Variants in PPFIBP1 observed in about 807,000 individuals in gnomAD.
PPFIBP1 encodes liprin-beta-1.
A neutral mutation model predicts 137.8 loss-of-function variants in PPFIBP1; 112 were observed. That is an observed-to-expected ratio of 0.81 (90% CI 0.70 to 0.95). The LOEUF is 0.95. Ranked by LOEUF, PPFIBP1 falls within the 40% of genes least tolerant of loss-of-function variation. PPFIBP1 has a pLI of 0.00. For synonymous variants in PPFIBP1, 378 were observed against 417.3 expected (o/e 0.91, Z 1.15); for missense variants, 1,083 against 1,196.6 (o/e 0.91, Z 1.40).
At chr12:27,542,031 A>G (rs1287327690) in intron 1 of PPFIBP1, among the ~76,000 whole-genome samples, 3 of 151,848 alleles carry the variant, frequency 2.0e-5, no homozygotes, top group Admixed American at 2.0e-4. Flanking sequence ...CCCATCCTGA[A>G]CCCTGGTTTT....
Position 27,553,328 on chromosome 12 carries a change from C to G in PPFIBP1, c.-123-24824C>G, listed in dbSNP as rs950963425. Reference sequence around the variant, plus strand: ...GGGCCGGGGATGGTGCTCACCCACACTCTGGATGAATGCTGTTTTGTGCTC... The same window carrying G: ...GGGCCGGGGATGGTGCTCACCCACAGTCTGGATGAATGCTGTTTTGTGCTC... On this transcript the variant is annotated intron_variant, in intron 1 of 29. Coordinates refer to ENST00000228425, the MANE Select transcript of PPFIBP1 (RefSeq NM_003622.4). Among the ~76,000 whole-genome samples, 6 of 152,188 alleles carry G rather than the reference C, an allele frequency of 3.9e-5. No homozygotes were observed. The South Asian group carries it at 1.2e-3, about 32-fold the overall frequency.
chr12:27,533,601 T>C (rs1472654922), intron 1 of PPFIBP1, among the ~76,000 whole-genome samples: 9 of 152,196 alleles, frequency 5.9e-5, no homozygotes, highest in Non-Finnish European at 1.3e-4. Context: ...TATGAACTGT[T>C]AGTTGACATT....
At chr12:27,533,436 A>T in intron 1 of PPFIBP1, among the ~76,000 whole-genome samples, 1 of 152,202 alleles carries the variant, frequency 6.6e-6, no homozygotes, top group East Asian at 1.9e-4. Flanking sequence ...AATCTGAGGC[A>T]CAAGGAGGCT....
chr12:27,545,592 G>A (rs561955549), intron 1 of PPFIBP1, among the ~76,000 whole-genome samples: 119 of 152,268 alleles, frequency 7.8e-4, no homozygotes, highest in African/African-American at 2.6e-3. Flanking sequence ...GCACTCCCAC[G>A]AGCTATAATG....
At chr12:27,538,521 C>T (rs1247680628) in intron 1 of PPFIBP1, among the ~76,000 whole-genome samples, 1 of 152,172 alleles carries the variant, frequency 6.6e-6, no homozygotes, top group Non-Finnish European at 1.5e-5. Flanking sequence ...AGAATTTTTT[C>T]CAACACTGAC....
At chr12:27,584,307 G>T (rs1260820567) in intron 2 of PPFIBP1, 1 of 152,254 alleles carries the variant, frequency 6.6e-6, no homozygotes, top group Non-Finnish European at 1.5e-5. Context: ...ACAGCACAAG[G>T]GTTGATCGAC....
chr12:27,639,727 C>T (rs1370767125), intron 4 of PPFIBP1, among the ~76,000 whole-genome samples: 2 of 152,214 alleles, frequency 1.3e-5, no homozygotes, highest in Non-Finnish European at 2.9e-5. Flanking sequence ...TCATAATACC[C>T]TTCTCTCTTA....
At chr12:27,553,640 C>T (rs747626824) in intron 1 of PPFIBP1, among the ~76,000 whole-genome samples, 1 of 152,178 alleles carries the variant, frequency 6.6e-6, no homozygotes, top group African/African-American at 2.4e-5. Flanking sequence ...AAAAGACCCC[C>T]AAGGAAGCTC....
chr12:27,616,345 C>T (rs931063589), intron 2 of PPFIBP1, among the ~76,000 whole-genome samples: 1 of 150,280 alleles, frequency 6.7e-6, no homozygotes, highest in African/African-American at 2.4e-5. Flanking sequence ...TGAATCCCTC[C>T]TCTTCTACTT....
At chr12:27,553,328 C>T (rs950963425) in intron 1 of PPFIBP1, among the ~76,000 whole-genome samples, 5 of 152,188 alleles carry the variant, frequency 3.3e-5, no homozygotes, top group Non-Finnish European at 5.9e-5. Flanking sequence ...CTCACCCACA[C>T]TCTGGATGAA....
chr12:27,652,320 A>G lies in PPFIBP1; in HGVS notation c.603+2179A>G, dbSNP rs989370562. 4.6e-5 allele frequency among the ~76,000 whole-genome samples: 7 copies of G among 152,290 alleles called. No individual in the cohort carries two copies. The East Asian group carries it at 7.7e-4, about 17-fold the overall frequency. On this transcript the variant is annotated intron_variant, in intron 7 of 29. Coordinates refer to ENST00000228425, the MANE Select transcript of PPFIBP1 (RefSeq NM_003622.4). ...TTCAGGACTTGTCCCTGGAATTGCT[A>G]ATGGGAGATGATTAGCATCATTCAA...
intron 15 of PPFIBP1, 130 bp from the exon 16 acceptor site, chr12:27,673,637 C>A: frequency 1.4e-6 from 1 of 710,834 alleles, no homozygotes; most frequent in Non-Finnish European, 2.4e-6. Context: ...AAGTGACTGC[C>A]TGATTCCAGA....
intron 2 of PPFIBP1, among the ~76,000 whole-genome samples, chr12:27,598,708 C>T (rs571667821): frequency 3.5e-4 from 54 of 152,262 alleles, no homozygotes; most frequent in African/African-American, 1.1e-3. Flanking sequence ...CACGCATCAT[C>T]CTTAGGATGC....
At chr12:27,632,396 A>G (rs938077278) in intron 2 of PPFIBP1, among the ~76,000 whole-genome samples, 14 of 152,134 alleles carry the variant, frequency 9.2e-5, no homozygotes, top group African/African-American at 2.2e-4. Context: ...ATTCGGGTCT[A>G]TTGGGAGAAT....
At chr12:27,563,924 G>A (rs566764790) in intron 1 of PPFIBP1, among the ~76,000 whole-genome samples, 117 of 151,078 alleles carry the variant, frequency 7.7e-4, no homozygotes, top group African/African-American at 2.7e-3. Flanking sequence ...CCAGGCTGGA[G>A]TGCAATGGTG....
intron 18 of PPFIBP1, 73 bp from the exon 19 acceptor site, chr12:27,676,991 A>C (rs1444003851): frequency 6.2e-7 from 1 of 1,606,152 alleles, no homozygotes; most frequent in Non-Finnish European, 8.5e-7. Flanking sequence ...TCTGATCTGC[A>C]TTTCATTTTG....
intron 1 of PPFIBP1, among the ~76,000 whole-genome samples, chr12:27,529,608 T>A (rs1235652188): frequency 6.6e-6 from 1 of 152,210 alleles, no homozygotes; most frequent in Non-Finnish European, 1.5e-5. Context: ...GCAGGAGAAT[T>A]GCTTGAAGCC....
intron 18 of PPFIBP1, 111 bp downstream of exon 18, chr12:27,676,710 C>T (rs1050591483): frequency 1.5e-5 from 17 of 1,167,324 alleles, no homozygotes; most frequent in Middle Eastern, 2.2e-4. Flanking sequence ...TTCTCAGAAA[C>T]GAAGGTGAAT....
At chr12:27,664,914 G>A (rs538939227) in intron 12 of PPFIBP1, among the ~76,000 whole-genome samples, 25 of 152,286 alleles carry the variant, frequency 1.6e-4, no homozygotes, top group Non-Finnish European at 2.9e-4. Context: ...GTGGTCAGGC[G>A]TGGTGGCCTA....
Sources: allele counts gnomAD v4.1 joint callset (sites outside exome capture counted in the v4.1 genomes callset), GRCh38; gene constraint gnomAD v4.1.1; transcripts MANE v1.5; gene names NCBI Gene and HGNC (gene_info 2026-07-23, HGNC 2026-07-21).